Variants in ADGRL3 observed in about 807,000 individuals in gnomAD.
ADGRL3 encodes the protein adhesion G protein-coupled receptor L3, also known as calcium-independent alpha-latrotoxin receptor 3.
A neutral mutation model predicts 153.5 loss-of-function variants in ADGRL3; 62 were observed. The ratio of observed to expected loss-of-function variants is 0.40; its 90% CI spans 0.33 to 0.50. The LOEUF (loss-of-function observed/expected upper bound fraction) is 0.50, where lower values mean the gene tolerates loss of function less well. ADGRL3 is among the 20% of genes least tolerant of loss of function. ADGRL3 has a pLI of 0.47. For synonymous variants in ADGRL3, 710 were observed against 672.5 expected (o/e 1.06, Z -0.86); for missense variants, 1,641 against 1,859.4 (o/e 0.88, Z 2.16).
At chr4:61,530,120 G>T (rs772878808) in intron 4 of ADGRL3, among the ~76,000 whole-genome samples, 1 of 151,900 alleles carries the variant, frequency 6.6e-6, no homozygotes, top group Non-Finnish European at 1.5e-5. Flanking sequence ...GAAAATAATG[G>T]GTATTAAATT....
intron 20 of ADGRL3, 114 bp downstream of exon 20, chr4:61,996,471 T>C (rs959692073): frequency 1.4e-6 from 1 of 727,214 alleles, no homozygotes; most frequent in African/African-American, 1.8e-5. Context: ...CATGTACTTA[T>C]TTGACCCTAC....
chr4:61,874,125 C>T (rs1479653739), intron 9 of ADGRL3, among the ~76,000 whole-genome samples: 1 of 152,098 alleles, frequency 6.6e-6, no homozygotes, highest in Admixed American at 6.5e-5. Context: ...TTCAGAGATT[C>T]TCTGTCAGGA....
At chr4:61,613,628 C>T (rs1047895433) in intron 5 of ADGRL3, among the ~76,000 whole-genome samples, 2 of 152,120 alleles carry the variant, frequency 1.3e-5, no homozygotes, top group African/African-American at 4.8e-5. Context: ...CCTGTAGTCC[C>T]AGCCACTCGG....
At chr4:61,985,874 T>C (rs2099083533) in intron 19 of ADGRL3, among the ~76,000 whole-genome samples, 1 of 149,906 alleles carries the variant, frequency 6.7e-6, no homozygotes, top group Non-Finnish European at 1.5e-5. Context: ...TTCTGTTGAT[T>C]CCAGTGACAT....
intron 17 of ADGRL3, among the ~76,000 whole-genome samples, chr4:61,973,284 T>C (rs1037368696): frequency 5.3e-5 from 8 of 152,050 alleles, no homozygotes; most frequent in African/African-American, 1.9e-4. Flanking sequence ...GTGTACCTCA[T>C]GGTATATTTG....
intron 9 of ADGRL3, among the ~76,000 whole-genome samples, chr4:61,860,156 A>G (rs2098325922): frequency 6.6e-6 from 1 of 152,120 alleles, no homozygotes; most frequent in Non-Finnish European, 1.5e-5. Context: ...GGGCATTGGT[A>G]AAACCTTCCC....
intron 1 of ADGRL3, among the ~76,000 whole-genome samples, chr4:61,294,905 A>T (rs1218151437): frequency 0.012 from 237 of 20,336 alleles, 1 homozygote; most frequent in African/African-American, 0.054. Context: ...ACACACACTC[A>T]CACACACACA....
At chr4:61,706,105 C>T (rs1039542396) in intron 6 of ADGRL3, among the ~76,000 whole-genome samples, 6 of 152,130 alleles carry the variant, frequency 3.9e-5, no homozygotes, top group Admixed American at 3.3e-4. Context: ...TAGGAAAGTC[C>T]TAGATGGTAT....
chr4:61,649,785 TG>T (rs2150363981), intron 5 of ADGRL3, among the ~76,000 whole-genome samples: 1 of 152,292 alleles, frequency 6.6e-6, no homozygotes, highest in South Asian at 2.1e-4. Flanking sequence ...CCAACAGACA[TG>T]GTACATTTTC....
At chr4:61,752,618 G>T (rs918396839) in intron 8 of ADGRL3, among the ~76,000 whole-genome samples, 1 of 152,054 alleles carries the variant, frequency 6.6e-6, no homozygotes, top group Non-Finnish European at 1.5e-5. Context: ...TGCACTAGTG[G>T]TTTCTCTTGA....
chr4:61,873,057 C>T (rs1031435518), intron 9 of ADGRL3, among the ~76,000 whole-genome samples: 1 of 152,128 alleles, frequency 6.6e-6, no homozygotes, highest in Non-Finnish European at 1.5e-5. Context: ...TTTCAAAGAG[C>T]AGGCTTGTTT....
At chr4:61,898,587 C>T (rs1382926750) in intron 11 of ADGRL3, among the ~76,000 whole-genome samples, 1 of 150,644 alleles carries the variant, frequency 6.6e-6, no homozygotes, top group Non-Finnish European at 1.5e-5. Context: ...CACAGCCTGC[C>T]GGGAAGACTG....
Position 61,895,814 on chromosome 4 carries a change from G to A in ADGRL3, c.1867G>A (p.Val623Ile). The A allele has an allele frequency of 6.3e-7, 1 of 1,590,484 alleles. No individual in the cohort carries two copies. Among genetic ancestry groups the A allele is most frequent in the Non-Finnish European group, 8.6e-7 (1 of 1,166,762 alleles). ...TCTCAGCAACTGTTCTTCTCCTTGG[G>A]TCAATCATATAACACAGAAGGTAAA... Reference protein sequence around the residue: ...PDLSNCSSPWVNHITQKLKSG... With the variant: ...PDLSNCSSPWINHITQKLKSG... The change falls in exon 11 of 27, where the codon GTC (valine) becomes ATC (isoleucine). Residue 623 changes from valine (V) to isoleucine (I), a missense_variant. This residue lies in a region of ADGRL3 where 734 missense variants were observed against 797.0 expected (regional missense o/e 0.92). Coordinates refer to ENST00000683033, the MANE Select transcript of ADGRL3 (RefSeq NM_001387552.1).
At chr4:61,504,332 A>G (rs2098412865) in intron 3 of ADGRL3, among the ~76,000 whole-genome samples, 1 of 152,122 alleles carries the variant, frequency 6.6e-6, no homozygotes, top group Non-Finnish European at 1.5e-5. Context: ...AAAGTAGTTC[A>G]TTCATTCAGA....
chr4:61,650,387 G>A (rs2094202462), intron 5 of ADGRL3, among the ~76,000 whole-genome samples: 1 of 152,076 alleles, frequency 6.6e-6, no homozygotes, highest in Admixed American at 6.5e-5. Flanking sequence ...GTAAAAGCAT[G>A]TTACAATGCT....
intron 21 of ADGRL3, among the ~76,000 whole-genome samples, chr4:62,007,773 G>T (rs2099166929): frequency 6.6e-6 from 1 of 151,854 alleles, no homozygotes; most frequent in African/African-American, 2.4e-5. Context: ...GACAACCTTG[G>T]GAAAACGGGT....
At chr4:61,804,427 C>A (rs988587608) in intron 8 of ADGRL3, among the ~76,000 whole-genome samples, 6 of 152,148 alleles carry the variant, frequency 3.9e-5, no homozygotes, top group African/African-American at 1.2e-4. Context: ...CCCCTTGTCT[C>A]TTTTCTTTAT....
intron 5 of ADGRL3, among the ~76,000 whole-genome samples, chr4:61,666,818 A>G (rs2094816626): frequency 6.6e-6 from 1 of 152,138 alleles, no homozygotes; most frequent in South Asian, 2.1e-4. Flanking sequence ...CATACAAATA[A>G]AGAATATTCA....
chr4:61,539,145 G>A (rs2098674992), intron 4 of ADGRL3, among the ~76,000 whole-genome samples: 1 of 152,188 alleles, frequency 6.6e-6, no homozygotes, highest in South Asian at 2.1e-4. Flanking sequence ...ACACAAGCTA[G>A]TGCTTTATGT....
Sources: allele counts gnomAD v4.1 joint callset (sites outside exome capture counted in the v4.1 genomes callset), GRCh38; gene constraint gnomAD v4.1.1; regional missense constraint gnomAD v4.1.1; transcripts MANE v1.5; gene names NCBI Gene and HGNC (gene_info 2026-07-23, HGNC 2026-07-21).